The following NEGR1 variants were observed in gnomAD, a reference collection of about 807,000 sequenced individuals.
The protein encoded by NEGR1 is neuronal growth regulator 1.
NEGR1 carries 10 observed loss-of-function variants against 40.9 expected under a neutral mutation model. The ratio of observed to expected loss-of-function variants is 0.24; its 90% CI spans 0.15 to 0.42. The LOEUF is 0.42. NEGR1 is among the 10% of genes least tolerant of loss of function. The pLI is 1.00. For synonymous variants in NEGR1, 185 were observed against 166.8 expected, an observed-to-expected ratio of 1.11 and a Z score of -0.84; for missense variants, 352 against 438.9, an observed-to-expected ratio of 0.80 and a Z score of 1.77.
chr1:71,442,629 A>T (rs558687065), intron 6 of NEGR1, among the ~76,000 whole-genome samples: 141 of 152,266 alleles, frequency 9.3e-4, no homozygotes, highest in Admixed American at 2.0e-3. Flanking sequence ...ATAAATAAAT[A>T]AATAAATTAA....
intron 1 of NEGR1, among the ~76,000 whole-genome samples, chr1:71,993,075 T>C (rs1419716138): frequency 6.6e-6 from 1 of 152,178 alleles, no homozygotes; most frequent in Non-Finnish European, 1.5e-5. Context: ...TAAAATATAG[T>C]ACATAGTATA....
chr1:71,506,965 T>C lies in NEGR1; in HGVS notation c.940+85852A>G, dbSNP rs376408711. On this transcript the variant is annotated intron_variant, in intron 6 of 6. Transcript: ENST00000357731. ...TAAAGCTCCTTGAAGGTCAAGATGATACTATATATACTGATTCTAAATGTG... is the reference window on the plus strand; with the variant it reads ...TAAAGCTCCTTGAAGGTCAAGATGACACTATATATACTGATTCTAAATGTG... Among the ~76,000 whole-genome samples the C allele has an allele frequency of 3.0e-4, 46 of 152,302 alleles. 3 individuals carry two copies. The East Asian group carries it at 3.3e-3, about 11-fold the overall frequency.
At chr1:71,993,718 G>A (rs1212601403) in intron 1 of NEGR1, among the ~76,000 whole-genome samples, 1 of 152,084 alleles carries the variant, frequency 6.6e-6, no homozygotes, top group African/African-American at 2.4e-5. Context: ...TTATAAAGCA[G>A]GAATTATTGT....
intron 1 of NEGR1, among the ~76,000 whole-genome samples, chr1:72,059,156 G>A (rs1330661700): frequency 6.6e-6 from 1 of 151,600 alleles, no homozygotes; most frequent in Non-Finnish European, 1.5e-5. Context: ...GTGACAAGGT[G>A]TCAACAAAGC....
At chr1:72,040,155 C>T (rs1256169531) in intron 1 of NEGR1, among the ~76,000 whole-genome samples, 1 of 151,894 alleles carries the variant, frequency 6.6e-6, no homozygotes, top group Non-Finnish European at 1.5e-5. Flanking sequence ...GTATGTATTA[C>T]AATTCTCAAG....
intron 4 of NEGR1, among the ~76,000 whole-genome samples, chr1:71,628,288 A>G (rs10493487): frequency 0.037 from 5,582 of 152,082 alleles, 134 homozygotes; most frequent in African/African-American, 0.073. Context: ...TTTCCCTAAG[A>G]CTTGGCCCAA....
chr1:71,786,363 C>A (rs1344125684), intron 2 of NEGR1, among the ~76,000 whole-genome samples: 1 of 152,044 alleles, frequency 6.6e-6, no homozygotes. Flanking sequence ...GAAGCCTTGG[C>A]TGGAAATAAA....
intron 2 of NEGR1, among the ~76,000 whole-genome samples, chr1:71,818,828 T>G (rs531245248): frequency 1.3e-5 from 2 of 151,932 alleles, no homozygotes; most frequent in Middle Eastern, 3.2e-3. Context: ...TATGGAGATA[T>G]TAATAAAACA....
intron 3 of NEGR1, among the ~76,000 whole-genome samples, chr1:71,723,789 C>G (rs746828117): frequency 6.6e-6 from 1 of 152,094 alleles, no homozygotes; most frequent in Non-Finnish European, 1.5e-5. Context: ...GCCAGTTGGG[C>G]AAAAGTACAG....
intron 6 of NEGR1, among the ~76,000 whole-genome samples, chr1:71,489,482 C>G (rs1452099529): frequency 6.6e-6 from 1 of 151,684 alleles, no homozygotes; most frequent in Non-Finnish European, 1.5e-5. Flanking sequence ...GTTTCCCACA[C>G]AAAAACACTG....
At chr1:71,906,242 G>A (rs1661271026) in intron 2 of NEGR1, among the ~76,000 whole-genome samples, 1 of 151,880 alleles carries the variant, frequency 6.6e-6, no homozygotes, top group Non-Finnish European at 1.5e-5. Flanking sequence ...GTGGGGAGAA[G>A]GGGGAAAGGG....
intron 1 of NEGR1, among the ~76,000 whole-genome samples, chr1:72,144,775 C>T (rs947389276): frequency 1.3e-5 from 2 of 152,004 alleles, no homozygotes; most frequent in Non-Finnish European, 2.9e-5. Context: ...AGAAATCTGT[C>T]TTCTTTTGAA....
chr1:71,686,715 C>A (rs2101616879), intron 4 of NEGR1, among the ~76,000 whole-genome samples: 1 of 152,272 alleles, frequency 6.6e-6, no homozygotes, highest in Non-Finnish European at 1.5e-5. Context: ...ATTGAATAAT[C>A]TAGAAAATTC....
intron 1 of NEGR1, among the ~76,000 whole-genome samples, chr1:72,178,946 T>C (rs1652267828): frequency 6.6e-6 from 1 of 152,026 alleles, no homozygotes; most frequent in South Asian, 2.1e-4. Flanking sequence ...TTCTGGATAT[T>C]AGACATTTGT....
At chr1:71,618,852 G>A (rs934610648) in intron 4 of NEGR1, among the ~76,000 whole-genome samples, 1 of 152,020 alleles carries the variant, frequency 6.6e-6, no homozygotes, top group Admixed American at 6.6e-5. Flanking sequence ...CGTTCTATAA[G>A]GTTTTATTTG....
In NEGR1 at chr1:71,396,626, G is replaced by A. The variant is rs748287489; in HGVS notation, c.*10820C>T. ...TATTGTGAGAGGGACTTGGTGGGAG[G>A]TAATTGAACCATGGGGGCAGGTCTT... On this transcript the variant is annotated 3_prime_UTR_variant, in exon 7 of 7. Coordinates refer to ENST00000357731, the MANE Select transcript of NEGR1 (RefSeq NM_173808.3). The A allele has an allele frequency of 2.0e-5, 3 of 152,198 alleles. No homozygotes were observed. The highest frequency in any genetic ancestry group is 7.2e-5 in the African/African-American group (3 of 41,434). 9.4% of individuals were successfully genotyped at this position (152,198 alleles called of 1,614,324 possible).
intron 2 of NEGR1, among the ~76,000 whole-genome samples, chr1:71,818,567 A>G (rs1658311956): frequency 6.6e-6 from 1 of 151,978 alleles, no homozygotes; most frequent in Non-Finnish European, 1.5e-5. Context: ...TGATCTGAAA[A>G]ACTACCTCTA....
chr1:71,861,526 C>G (rs1659947210), intron 2 of NEGR1, among the ~76,000 whole-genome samples: 1 of 152,042 alleles, frequency 6.6e-6, no homozygotes, highest in African/African-American at 2.4e-5. Context: ...ATTTCTTTCT[C>G]ATGCAGCTTC....
At chr1:71,858,275 C>T (rs375101689) in intron 2 of NEGR1, among the ~76,000 whole-genome samples, 2 of 151,998 alleles carry the variant, frequency 1.3e-5, no homozygotes, top group Non-Finnish European at 2.9e-5. Context: ...TTAAACATTC[C>T]TTTCTAAAAC....
Sources: allele counts gnomAD v4.1 joint callset (sites outside exome capture counted in the v4.1 genomes callset), GRCh38; gene constraint gnomAD v4.1.1; transcripts MANE v1.5; gene names NCBI Gene and HGNC (gene_info 2026-07-23, HGNC 2026-07-21).